The following MYO18B variants were observed in gnomAD, a reference collection of about 807,000 sequenced individuals.
MYO18B encodes myosin XVIIIB.
Under a neutral mutation model 273.0 loss-of-function variants are expected in MYO18B, and 204 were observed. The ratio of observed to expected loss-of-function variants is 0.75; its 90% CI spans 0.67 to 0.84. The LOEUF is 0.84. MYO18B is among the 40% of genes least tolerant of loss of function. The pLI is 0.00. For synonymous variants in MYO18B, 1,330 were observed against 1,305.7 expected (o/e 1.02, Z -0.40); for missense variants, 3,212 against 3,287.6 (o/e 0.98, Z 0.56).
intron 39 of MYO18B, among the ~76,000 whole-genome samples, chr22:25,976,695 C>T (rs1293850767): frequency 6.6e-6 from 1 of 152,128 alleles, no homozygotes; most frequent in Non-Finnish European, 1.5e-5. Context: ...AGGCTAGGAT[C>T]TGGCATTGAT....
intron 10 of MYO18B, among the ~76,000 whole-genome samples, chr22:25,785,158 G>C (rs2087328385): frequency 6.6e-6 from 1 of 152,176 alleles, no homozygotes; most frequent in South Asian, 2.1e-4. Context: ...GAAGATCTGG[G>C]GTTAGTCCCT....
the MYO18B span, among the ~76,000 whole-genome samples, chr22:26,052,688 G>T: frequency 9.2e-5 from 14 of 152,156 alleles, no homozygotes; most frequent in African/African-American, 3.4e-4. Flanking sequence ...GTTGAGAATT[G>T]TGGAGAGGTT....
At chr22:25,757,712 A>G (rs1216975339) in intron 1 of MYO18B, among the ~76,000 whole-genome samples, 1 of 152,220 alleles carries the variant, frequency 6.6e-6, no homozygotes, top group Non-Finnish European at 1.5e-5. Context: ...CCGGCCAACC[A>G]GAGCTAGAAG....
intron 12 of MYO18B, among the ~76,000 whole-genome samples, chr22:25,810,050 A>G (rs968969921): frequency 1.3e-5 from 2 of 149,280 alleles, no homozygotes; most frequent in Non-Finnish European, 3.0e-5. Flanking sequence ...TCCCATTGCT[A>G]TGAAAGGTGA....
At chr22:25,970,240 T>G (rs1447581002) in intron 39 of MYO18B, among the ~76,000 whole-genome samples, 2 of 152,176 alleles carry the variant, frequency 1.3e-5, no homozygotes, top group Non-Finnish European at 2.9e-5. Flanking sequence ...CATCACATCA[T>G]TATCAGAGTG....
At position 25,770,924 on chromosome 22, in the gene MYO18B, G is replaced by A. The variant is rs1336886161; in HGVS notation, c.1632G>A (p.Val544=). 1 of 1,552,218 alleles carries A rather than the reference G, an allele frequency of 6.4e-7. No individual in the cohort carries two copies. The highest frequency in any genetic ancestry group is 2.4e-5 in the East Asian group (1 of 40,920). The stretch of plus-strand genomic sequence containing the variant: ...CAGCAGACCTGCCAGCAGGAAGGGT[G>A]AGACTTTGGATTGATGCTGACAAAA... ...EGTADLPAGR[V]RLWIDADKTI... is the part of the protein sequence containing the mutation. The change falls in exon 6 of 44, where the codon GTG becomes GTA. Residue 544 remains valine (V), a synonymous_variant. Coordinates refer to ENST00000335473, the MANE Select transcript of MYO18B (RefSeq NM_032608.7).
At chr22:26,042,438 G>C in the MYO18B span, among the ~76,000 whole-genome samples, 1 of 152,238 alleles carries the variant, frequency 6.6e-6, no homozygotes, top group Admixed American at 6.5e-5. Context: ...CTTAAAGACT[G>C]TTTGGGGGAG....
At position 25,943,667 on chromosome 22, in the gene MYO18B, G is replaced by A. The variant is rs374955424; in HGVS notation, c.5518-2470G>A. On this transcript the variant is annotated intron_variant, in intron 34 of 43. Transcript: ENST00000335473. Reference sequence around the variant, plus strand: ...ACTTGCTATTGCTGCTGCCCAGTGCGCTCTGCACATGGCCATCTACTTTGC... The same window carrying A: ...ACTTGCTATTGCTGCTGCCCAGTGCACTCTGCACATGGCCATCTACTTTGC... Among the ~76,000 whole-genome samples the A allele has an allele frequency of 1.4e-3, 212 of 150,502 alleles. 3 individuals are homozygous for A. The South Asian group carries it at 0.031, about 22-fold the overall frequency.
At chr22:25,824,359 G>A (rs971847605) in intron 13 of MYO18B, among the ~76,000 whole-genome samples, 14 of 152,198 alleles carry the variant, frequency 9.2e-5, no homozygotes, top group Non-Finnish European at 1.8e-4. Context: ...GTGATAGCAT[G>A]GGCCCTAAGA....
chr22:25,975,460 A>C (rs1048845808), intron 39 of MYO18B, among the ~76,000 whole-genome samples: 1 of 152,200 alleles, frequency 6.6e-6, no homozygotes, highest in African/African-American at 2.4e-5. Context: ...CTGTATGTCT[A>C]CTATGTGACA....
chr22:25,975,945 G>T (rs2093084208), intron 39 of MYO18B, among the ~76,000 whole-genome samples: 2 of 152,160 alleles, frequency 1.3e-5, no homozygotes, highest in South Asian at 4.1e-4. Context: ...GTTTGTCCTA[G>T]ATTCAAATTC....
chr22:25,758,868 C>T (rs892377013), intron 1 of MYO18B, among the ~76,000 whole-genome samples: 1 of 152,010 alleles, frequency 6.6e-6, no homozygotes, highest in African/African-American at 2.4e-5. Flanking sequence ...CACCATTCTG[C>T]CTCAGCCTCC....
chr22:25,903,522 G>A, intron 30 of MYO18B, 109 bp from the exon 31 acceptor site: 7 of 1,148,376 alleles, frequency 6.1e-6, no homozygotes, highest in Non-Finnish European at 8.6e-6. Flanking sequence ...GGCAGGCATT[G>A]GAAAGTGGAA....
At chr22:25,771,081 T>C (rs948695375) in intron 6 of MYO18B, 97 bp downstream of exon 6, 10 of 872,270 alleles carry the variant, frequency 1.1e-5, no homozygotes, top group Non-Finnish European at 1.6e-5. Context: ...GAGATTTCCT[T>C]GTTCCTGACT....
At chr22:25,887,851 A>G (rs142541687) in intron 25 of MYO18B, among the ~76,000 whole-genome samples, 1 of 152,350 alleles carries the variant, frequency 6.6e-6, no homozygotes, top group African/African-American at 2.4e-5. Context: ...AAATTAATGC[A>G]TCAAATTAAT....
chr22:25,933,856 T>A (rs1324564495), intron 34 of MYO18B, among the ~76,000 whole-genome samples: 1 of 152,204 alleles, frequency 6.6e-6, no homozygotes, highest in Admixed American at 6.5e-5. Flanking sequence ...TAACTAGAAG[T>A]GTGGTATCTC....
intron 34 of MYO18B, among the ~76,000 whole-genome samples, chr22:25,926,910 A>G (rs1201333755): frequency 6.6e-6 from 1 of 152,194 alleles, no homozygotes; most frequent in Non-Finnish European, 1.5e-5. Flanking sequence ...TCCCCAAATT[A>G]ATACTTTTAT....
chr22:25,744,262 C>T (rs1003515046), intron 1 of MYO18B, among the ~76,000 whole-genome samples: 7 of 152,154 alleles, frequency 4.6e-5, no homozygotes, highest in Non-Finnish European at 8.8e-5. Context: ...GAATGGAGGG[C>T]CCCCAAACTG....
rs530592250 is a variant in MYO18B at position 25,758,401 on chromosome 22, G to A, written c.-109-2583G>A. Among the ~76,000 whole-genome samples, 295 of 150,284 alleles carry A rather than the reference G, an allele frequency of 2.0e-3. 1 individual carries two copies. The highest frequency in any genetic ancestry group is 3.5e-3 in the Non-Finnish European group (237 of 67,830). ...AGAAGAACCTATGTGACTTTGTAGC[G>A]ACATTATTCGTAGTGCCCCTAAAGT... On this transcript the variant is annotated intron_variant, in intron 1 of 43. Transcript: ENST00000335473.
Sources: gnomAD v4.1 joint callset for allele counts (sites outside exome capture counted in the v4.1 genomes callset) on GRCh38, gnomAD v4.1.1 for gene constraint, MANE v1.5 for transcripts, NCBI Gene and HGNC (gene_info 2026-07-23, HGNC 2026-07-21) for gene names.